Variants in RBFOX3 observed in about 807,000 individuals in gnomAD.
RBFOX3 encodes the protein RNA binding fox-1 homolog 3, also known as RNA binding protein fox-1 homolog 3.
In RBFOX3, 17 loss-of-function variants were observed where a neutral mutation model predicts 48.7. That is an observed-to-expected ratio of 0.35 (90% CI 0.24 to 0.52). The LOEUF is 0.52. Ranked by LOEUF, RBFOX3 falls within the 20% of genes least tolerant of loss-of-function variation. RBFOX3 has a pLI of 0.94. For synonymous variants in RBFOX3, 212 were observed against 209.5 expected, an observed-to-expected ratio of 1.01 and a Z score of -0.10; for missense variants, 382 against 497.5, an observed-to-expected ratio of 0.77 and a Z score of 2.21.
At chr17:79,359,964 A>G (rs1417062547) in intron 2 of RBFOX3, among the ~76,000 whole-genome samples, 1 of 151,910 alleles carries the variant, frequency 6.6e-6, no homozygotes, top group Non-Finnish European at 1.5e-5. Context: ...GGGCTCAAGC[A>G]ATACTCCTGC....
intron 2 of RBFOX3, among the ~76,000 whole-genome samples, chr17:79,399,125 G>A (rs2062441777): frequency 6.6e-6 from 1 of 152,194 alleles, no homozygotes; most frequent in Admixed American, 6.5e-5. Context: ...GAAGCCGTGG[G>A]GAGGATTCTA....
At chr17:79,426,461 G>T (rs1213353517) in intron 2 of RBFOX3, among the ~76,000 whole-genome samples, 2 of 152,202 alleles carry the variant, frequency 1.3e-5, no homozygotes, top group African/African-American at 4.8e-5. Flanking sequence ...GGGAGCACTC[G>T]CGACACAGTG....
intron 2 of RBFOX3, among the ~76,000 whole-genome samples, chr17:79,456,294 C>A (rs1277590676): frequency 1.3e-5 from 2 of 152,176 alleles, no homozygotes; most frequent in Non-Finnish European, 2.9e-5. Flanking sequence ...TTCCGCCTCC[C>A]ACTCTGACCC....
intron 6 of RBFOX3, among the ~76,000 whole-genome samples, chr17:79,105,514 G>A (rs894395753): frequency 7.9e-5 from 12 of 152,206 alleles, no homozygotes; most frequent in African/African-American, 2.9e-4. Flanking sequence ...AAGGGACAGA[G>A]TCCTTGCCAT....
intron 3 of RBFOX3, among the ~76,000 whole-genome samples, chr17:79,289,398 G>A (rs890903884): frequency 3.3e-5 from 5 of 152,218 alleles, no homozygotes; most frequent in Non-Finnish European, 7.3e-5. Flanking sequence ...ACTGGGACCC[G>A]GCAGCCTCGC....
chr17:79,107,236 C>T lies in RBFOX3; in HGVS notation c.223-448G>A, dbSNP rs971042252. On this transcript the variant is annotated intron_variant, in intron 5 of 14. Transcript: ENST00000693108. ...ACTGCAGACAGATGTCGGCCTGGCC[C>T]GAGGGTCCGCCTGTCCGAAGGTGCT... 5.3e-5 allele frequency among the ~76,000 whole-genome samples: 8 copies of T among 152,316 alleles called. No homozygotes were observed. The East Asian group carries it at 1.4e-3, about 26-fold the overall frequency.
At chr17:79,355,654 C>G (rs188030228) in intron 2 of RBFOX3, among the ~76,000 whole-genome samples, 1 of 151,924 alleles carries the variant, frequency 6.6e-6, no homozygotes, top group African/African-American at 2.4e-5. Flanking sequence ...GATCTCAGCT[C>G]ACTGCAACCT....
chr17:79,624,401 A>G, the RBFOX3 span, among the ~76,000 whole-genome samples: 1 of 152,044 alleles, frequency 6.6e-6, no homozygotes, highest in Non-Finnish European at 1.5e-5. Flanking sequence ...CCCTCACCCT[A>G]CTAAGTTCCA....
intron 9 of RBFOX3, chr17:79,100,275 C>A (rs557527752): frequency 6.6e-6 from 1 of 152,322 alleles, no homozygotes; most frequent in South Asian, 2.1e-4. Context: ...ATCACCTGTA[C>A]CCTATAAAAA....
intron 3 of RBFOX3, among the ~76,000 whole-genome samples, chr17:79,263,759 G>A (rs145484550): frequency 5.9e-5 from 9 of 152,316 alleles, no homozygotes; most frequent in African/African-American, 9.6e-5. Context: ...GGATGAACGC[G>A]CGCTTACGAG....
At chr17:79,313,472 C>A (rs1356712949) in intron 2 of RBFOX3, among the ~76,000 whole-genome samples, 1 of 152,224 alleles carries the variant, frequency 6.6e-6, no homozygotes, top group Non-Finnish European at 1.5e-5. Context: ...TGAGGTCTCA[C>A]CCCAGACCCC....
At chr17:79,448,668 GC>G (rs1397100282) in intron 2 of RBFOX3, among the ~76,000 whole-genome samples, 1 of 152,152 alleles carries the variant, frequency 6.6e-6, no homozygotes, top group Admixed American at 6.5e-5. Context: ...GCTGTTTTAG[GC>G]CCCCAGAAAG....
chr17:79,394,268 G>A (rs189737116), intron 2 of RBFOX3, among the ~76,000 whole-genome samples: 3 of 152,342 alleles, frequency 2.0e-5, no homozygotes, highest in African/African-American at 7.2e-5. Context: ...GGACGACACT[G>A]TGTCCAGGTC....
intron 14 of RBFOX3, chr17:79,092,299 A>C: frequency 5.1e-6 from 5 of 985,514 alleles, no homozygotes; most frequent in Non-Finnish European, 6.0e-6. Flanking sequence ...CGGTGTGCAC[A>C]CCGTACCTGC....
intron 2 of RBFOX3, among the ~76,000 whole-genome samples, chr17:79,461,208 C>T (rs1361435182): frequency 6.6e-6 from 1 of 152,240 alleles, no homozygotes; most frequent in African/African-American, 2.4e-5. Context: ...CTAACACATC[C>T]TTTCATTTCA....
At chr17:79,620,211 A>C in the RBFOX3 span, among the ~76,000 whole-genome samples, 7 of 149,108 alleles carry the variant, frequency 4.7e-5, no homozygotes, top group South Asian at 1.3e-3. Flanking sequence ...GTGCACATGC[A>C]CACACAGGGA....
chr17:79,422,745 C>T (rs2066650066), intron 2 of RBFOX3, among the ~76,000 whole-genome samples: 1 of 152,064 alleles, frequency 6.6e-6, no homozygotes, highest in Admixed American at 6.5e-5. Flanking sequence ...GCCCCCTCCC[C>T]AACTTCATAT....
At chr17:79,376,331 C>T (rs553748855) in intron 2 of RBFOX3, among the ~76,000 whole-genome samples, 2 of 152,290 alleles carry the variant, frequency 1.3e-5, no homozygotes, top group South Asian at 2.1e-4. Context: ...CTGAAGCTGC[C>T]TTCCCAGTCA....
chr17:79,292,097 T>G (rs933435810), intron 3 of RBFOX3, among the ~76,000 whole-genome samples: 3 of 152,162 alleles, frequency 2.0e-5, no homozygotes, highest in African/African-American at 7.2e-5. Flanking sequence ...ATCAGTATTT[T>G]GGGGTTGCTC....
Sources: gnomAD v4.1 joint callset for allele counts (sites outside exome capture counted in the v4.1 genomes callset) on GRCh38, gnomAD v4.1.1 for gene constraint, MANE v1.5 for transcripts, NCBI Gene and HGNC (gene_info 2026-07-23, HGNC 2026-07-21) for gene names.